Variants in KCNQ4 observed in about 807,000 individuals in gnomAD.
The protein encoded by KCNQ4 is potassium voltage-gated channel subfamily KQT member 4.
Under a neutral mutation model 72.6 loss-of-function variants are expected in KCNQ4, and 31 were observed. The ratio of observed to expected loss-of-function variants is 0.43; its 90% CI spans 0.32 to 0.58. KCNQ4 has a LOEUF of 0.58. Among genes scored for constraint, KCNQ4 ranks in the 20% least tolerant of loss-of-function variants. KCNQ4 has a pLI of 0.08. For missense variants in KCNQ4, 869 were observed against 962.6 expected (o/e 0.90, Z 1.29); for synonymous variants, 405 against 403.7 (o/e 1.00, Z -0.04).
rs201467006 is a variant in KCNQ4 at position 40,784,406 on chromosome 1, A to G, written c.313A>G (p.Ile105Val). Residue 105 changes from isoleucine to valine, a missense_variant and splice_region_variant, in exon 1 of 14, where the codon ATA becomes GTA. Physicochemically the swap from Ile to Val is conservative, Grantham distance 29. Coordinates refer to ENST00000347132, the MANE Select transcript of KCNQ4 (RefSeq NM_004700.4). The surrounding 1 kb of genome is among the most constrained non-coding windows in gnomAD (Gnocchi z 4.1). ...RGWAFVYHVF[I>V]FLLVFSCLVL... is the part of the protein sequence containing the mutation. ...CTGGGCCTTCGTCTACCACGTCTTCATGTGAGTTTGCGACCCCGCGCCCTT... is the reference window on the plus strand; with the variant it reads ...CTGGGCCTTCGTCTACCACGTCTTCGTGTGAGTTTGCGACCCCGCGCCCTT... The G allele has an allele frequency of 2.4e-5, 39 of 1,607,612 alleles. No individual in the cohort carries two copies. Among genetic ancestry groups the G allele is most frequent in the Non-Finnish European group, 3.1e-5 (37 of 1,178,576 alleles).
intron 1 of KCNQ4, among the ~76,000 whole-genome samples, chr1:40,796,915 C>CAAATAAATAAAT (rs3070277): frequency 1.2e-3 from 173 of 147,368 alleles, no homozygotes; most frequent in Middle Eastern, 3.5e-3. Flanking sequence ...GAGACTCCAT[C>CAAATAAATAAAT]AAATAAATAA....
chr1:40,824,524 G>T (rs565123368), intron 9 of KCNQ4, among the ~76,000 whole-genome samples: 1 of 152,172 alleles, frequency 6.6e-6, no homozygotes, highest in Non-Finnish European at 1.5e-5. Flanking sequence ...CATCTCCTCC[G>T]TTCATGGCAT....
chr1:40,818,583 G>A lies in KCNQ4; in HGVS notation c.611G>A (p.Arg204His). 1.2e-6 allele frequency: 2 copies of A among 1,605,750 alleles called. No individual in the cohort carries two copies. Among genetic ancestry groups the A allele is most frequent in the Non-Finnish European group, 8.5e-7 (1 of 1,179,802 alleles). ...QGNIFATSAL[R>H]SMRFLQILRM... Reference sequence around the variant, plus strand: ...AACATCTTCGCCACGTCCGCGCTGCGCAGCATGCGCTTCCTGCAGATCCTG... The same window carrying A: ...AACATCTTCGCCACGTCCGCGCTGCACAGCATGCGCTTCCTGCAGATCCTG... Residue 204 changes from arginine to histidine, a missense_variant, in exon 4 of 14, where the codon CGC (arginine) becomes CAC (histidine). Physicochemically the swap from Arg to His is conservative, Grantham distance 29. Around this residue, in one of 5 missense-constraint regions of KCNQ4, gnomAD observed 179 missense variants for 243.0 expected, o/e 0.74. Coordinates refer to ENST00000347132, the MANE Select transcript of KCNQ4 (RefSeq NM_004700.4).
At chr1:40,829,546 T>TTCAGCACC (rs1373900899) in intron 9 of KCNQ4, among the ~76,000 whole-genome samples, 2 of 152,102 alleles carry the variant, frequency 1.3e-5, no homozygotes, top group East Asian at 3.9e-4. Flanking sequence ...TCTCCCTCAC[T>TTCAGCACC]TCAGCACCTT....
Position 40,784,453 on chromosome 1 carries a change from T to C in KCNQ4, c.314+46T>C. 6.3e-7 allele frequency: 1 copy of C among 1,580,870 alleles called. No homozygotes were observed. ...CCTTCCGCGTTTCCCCGCGCAAGCC[T>C]GGCCTCCCGGGGCACGGCCGCCCCG... On this transcript the variant is annotated intron_variant, in intron 1 of 13. Coordinates refer to ENST00000347132, the MANE Select transcript of KCNQ4 (RefSeq NM_004700.4). This position sits in a 1 kb window ranked among gnomAD's most constrained non-coding sequence, Gnocchi z 4.1.
intron 1 of KCNQ4, among the ~76,000 whole-genome samples, chr1:40,804,013 G>A (rs1185770171): frequency 6.6e-6 from 1 of 152,116 alleles, no homozygotes; most frequent in Non-Finnish European, 1.5e-5. Flanking sequence ...GAAGTACTGA[G>A]AACCCAGTGG....
intron 1 of KCNQ4, among the ~76,000 whole-genome samples, chr1:40,815,489 C>T (rs1183380259): frequency 1.3e-5 from 2 of 152,188 alleles, no homozygotes; most frequent in Non-Finnish European, 2.9e-5. Context: ...AGTCCCGATG[C>T]AGGTACATGT....
intron 1 of KCNQ4, among the ~76,000 whole-genome samples, chr1:40,790,463 C>T (rs147522570): frequency 7.2e-5 from 11 of 152,248 alleles, no homozygotes; most frequent in Non-Finnish European, 8.8e-5. Context: ...TGTCCTGGGG[C>T]GAGTGGTTCT....
intron 9 of KCNQ4, among the ~76,000 whole-genome samples, chr1:40,830,057 C>T (rs1254644727): frequency 4.6e-5 from 7 of 152,116 alleles, no homozygotes; most frequent in African/African-American, 1.2e-4. Context: ...CATGTGTAGA[C>T]GTGCACGTAC....
intron 1 of KCNQ4, among the ~76,000 whole-genome samples, chr1:40,806,217 C>T (rs542250216): frequency 9.2e-5 from 14 of 152,308 alleles, no homozygotes; most frequent in African/African-American, 3.4e-4. Context: ...TCAGTGGAAC[C>T]GAGGGAAGGT....
At chr1:40,831,668 T>C (rs1295986795) in intron 10 of KCNQ4, among the ~76,000 whole-genome samples, 1 of 152,322 alleles carries the variant, frequency 6.6e-6, no homozygotes, top group East Asian at 1.9e-4. Context: ...TAGCATCCAC[T>C]TCCTAGGATT....
At chr1:40,837,156 C>T (rs1327810369) in intron 12 of KCNQ4, among the ~76,000 whole-genome samples, 1 of 151,298 alleles carries the variant, frequency 6.6e-6, no homozygotes, top group Non-Finnish European at 1.5e-5. Context: ...GGTGCAATCA[C>T]AGCGCACTGC....
chr1:40,786,802 C>T (rs1292622860), intron 1 of KCNQ4, among the ~76,000 whole-genome samples: 1 of 151,976 alleles, frequency 6.6e-6, no homozygotes, highest in Non-Finnish European at 1.5e-5. Context: ...GCTTGAAAGA[C>T]GGTTGTTATT....
intron 7 of KCNQ4, 71 bp downstream of exon 7, chr1:40,820,331 C>A: frequency 7.6e-7 from 1 of 1,307,892 alleles, no homozygotes; most frequent in Non-Finnish European, 1.1e-6. Flanking sequence ...ACCCTGTGTG[C>A]TGACCCATGT....
chr1:40,785,150 G>A (rs1456406661), intron 1 of KCNQ4, among the ~76,000 whole-genome samples: 1 of 152,150 alleles, frequency 6.6e-6, no homozygotes, highest in Non-Finnish European at 1.5e-5. Flanking sequence ...AAAGAAAGAG[G>A]AGAGGGGTAG....
chr1:40,825,099 G>A (rs953099587), intron 9 of KCNQ4, among the ~76,000 whole-genome samples: 14 of 152,228 alleles, frequency 9.2e-5, no homozygotes, highest in African/African-American at 3.4e-4. Context: ...GGCTGCTCTT[G>A]TAGAGGTTTA....
chr1:40,838,450 T>TC lies in KCNQ4; in HGVS notation c.2015_2016insC (p.Asp673GlyfsTer55). The TC allele has an allele frequency of 6.2e-7, 1 of 1,614,148 alleles. No homozygotes were observed. The highest frequency in any genetic ancestry group is 1.1e-5 in the South Asian group (1 of 91,092). ...ATCACCTCCGACTACCACAGCCCTG[T>TC]GGACCACGAGGACATCTCCGTCTCC... is the stretch of plus-strand genomic sequence containing the variant. On this transcript the variant is annotated frameshift_variant, in exon 14 of 14. Transcript: ENST00000347132. LOFTEE classifies it high-confidence loss of function.
chr1:40,822,654 C>T (rs1648340411), intron 8 of KCNQ4, among the ~76,000 whole-genome samples: 1 of 152,198 alleles, frequency 6.6e-6, no homozygotes, highest in African/African-American at 2.4e-5. Flanking sequence ...GAACCCCGGC[C>T]CTGGAGTGCT....
In KCNQ4 at chr1:40,818,043, G is replaced by A. The variant is rs909357985; in HGVS notation, c.406-121G>A. On this transcript the variant is annotated intron_variant, in intron 2 of 13. Coordinates refer to ENST00000347132, the MANE Select transcript of KCNQ4 (RefSeq NM_004700.4). The stretch of plus-strand genomic sequence containing the variant: ...GAATCGTCAAGTCCAGGAAACTCCA[G>A]GAGAGGGGTCCGAGGAGGCCCTGGT... 3.7e-6 allele frequency: 5 copies of A among 1,349,452 alleles called. No homozygotes were observed. In the African/African-American group the frequency reaches 5.8e-5, roughly 16 times the overall value. 83.6% of individuals were successfully genotyped at this position (1,349,452 alleles called of 1,614,324 possible). A position where few individuals can be genotyped will look rare whatever the true frequency, so the allele number is the denominator to read the frequency against.
Sources: allele counts gnomAD v4.1 joint callset (sites outside exome capture counted in the v4.1 genomes callset), GRCh38; gene constraint gnomAD v4.1.1; regional missense constraint gnomAD v4.1.1; non-coding constraint Gnocchi (gnomAD v3.1); transcripts MANE v1.5; gene names NCBI Gene and HGNC (gene_info 2026-07-23, HGNC 2026-07-21).